AGMO: variants seen among roughly 807,000 people sequenced by gnomAD.
The protein encoded by AGMO is glyceryl-ether monooxygenase.
In AGMO, 75 loss-of-function variants were observed where a neutral mutation model predicts 60.2. That is an observed-to-expected ratio of 1.25 (90% CI 1.03 to 1.51). The LOEUF (loss-of-function observed/expected upper bound fraction) is 1.51. Among genes scored for constraint, AGMO ranks in the 40% most tolerant of loss-of-function variants. AGMO has a pLI of 0.00. For missense variants in AGMO, 763 were observed against 525.5 expected, an observed-to-expected ratio of 1.45 and a Z score of -4.42; for synonymous variants, 261 against 177.1, an observed-to-expected ratio of 1.47 and a Z score of -3.76.
At chr7:15,526,638 G>A (rs1784135695) in intron 3 of AGMO, among the ~76,000 whole-genome samples, 1 of 152,152 alleles carries the variant, frequency 6.6e-6, no homozygotes, top group Non-Finnish European at 1.5e-5. Context: ...TATTGGCTCA[G>A]AATAAACCTA....
At chr7:15,430,947 T>G (rs1354999648) in intron 4 of AGMO, 58 bp downstream of exon 4, 48 of 677,576 alleles carry the variant, frequency 7.1e-5, no homozygotes, top group Non-Finnish European at 1.1e-4. Flanking sequence ...GAAATAGAAA[T>G]AGCTGAGACT....
chr7:15,391,953 T>C (rs943305948), intron 6 of AGMO, among the ~76,000 whole-genome samples: 4 of 152,196 alleles, frequency 2.6e-5, no homozygotes, highest in Admixed American at 6.5e-5. Context: ...GTGCCGACGT[T>C]GGGAAACCCT....
intron 12 of AGMO, among the ~76,000 whole-genome samples, chr7:15,288,181 G>A (rs184492757): frequency 1.7e-3 from 253 of 151,962 alleles, no homozygotes; most frequent in Non-Finnish European, 2.5e-3. Context: ...CCAGCACCAC[G>A]CCCGGCTAAT....
intron 12 of AGMO, among the ~76,000 whole-genome samples, chr7:15,208,086 A>G (rs1210655873): frequency 6.6e-6 from 1 of 152,258 alleles, no homozygotes; most frequent in East Asian, 1.9e-4. Flanking sequence ...ATTTATAAAT[A>G]ATGAATATAT....
At chr7:15,475,511 G>A (rs1782570997) in intron 3 of AGMO, among the ~76,000 whole-genome samples, 1 of 152,012 alleles carries the variant, frequency 6.6e-6, no homozygotes, top group African/African-American at 2.4e-5. Context: ...TGGATGCAGG[G>A]AGGGGAACAT....
rs376631296 is a variant in AGMO at position 15,532,939 on chromosome 7, C to G, written c.409+11833G>C. ...CCAAGAAGTGGAGGTTGCAATGAGC[C>G]GAGATCATGCCACTGCACTCCAGCC... On this transcript the variant is annotated intron_variant, in intron 3 of 12. Transcript: ENST00000342526. Among the ~76,000 whole-genome samples, 40 of 152,130 alleles carry G rather than the reference C, an allele frequency of 2.6e-4. No homozygotes were observed. In the East Asian group the frequency reaches 7.0e-3, roughly 27 times the overall value.
At chr7:15,180,355 T>C in the AGMO span, among the ~76,000 whole-genome samples, 1 of 152,206 alleles carries the variant, frequency 6.6e-6, no homozygotes, top group South Asian at 2.1e-4. Flanking sequence ...TTTTTTTTCA[T>C]ATTCCAGTTC....
intron 4 of AGMO, among the ~76,000 whole-genome samples, chr7:15,421,095 T>C (rs980013235): frequency 6.6e-6 from 1 of 152,068 alleles, no homozygotes; most frequent in Non-Finnish European, 1.5e-5. Flanking sequence ...CAAGAAACAA[T>C]ATGGCATTTA....
At chr7:15,479,065 T>C (rs1367797378) in intron 3 of AGMO, among the ~76,000 whole-genome samples, 2 of 152,168 alleles carry the variant, frequency 1.3e-5, no homozygotes, top group Non-Finnish European at 2.9e-5. Context: ...TGATTGTTCA[T>C]GCATAGTTTT....
At chr7:15,202,747 A>T (rs1248813482) in intron 12 of AGMO, among the ~76,000 whole-genome samples, 1 of 152,168 alleles carries the variant, frequency 6.6e-6, no homozygotes, top group Admixed American at 6.5e-5. Flanking sequence ...AATATATTTA[A>T]AGGCTGGTTT....
intron 12 of AGMO, among the ~76,000 whole-genome samples, chr7:15,287,940 T>C (rs1430652726): frequency 6.6e-6 from 1 of 152,218 alleles, no homozygotes; most frequent in African/African-American, 2.4e-5. Context: ...TCAGGTGCTA[T>C]GGAAATCTTG....
intron 3 of AGMO, among the ~76,000 whole-genome samples, chr7:15,446,561 C>A (rs967488267): frequency 6.6e-6 from 1 of 152,198 alleles, no homozygotes; most frequent in Admixed American, 6.5e-5. Context: ...GAAACACACA[C>A]ATACTTTGAG....
At chr7:15,338,656 G>A (rs1014077591) in intron 12 of AGMO, among the ~76,000 whole-genome samples, 1 of 152,064 alleles carries the variant, frequency 6.6e-6, no homozygotes, top group African/African-American at 2.4e-5. Context: ...ATTTATCACT[G>A]TGCAAAGGGA....
intron 12 of AGMO, among the ~76,000 whole-genome samples, chr7:15,241,553 C>T (rs1262360805): frequency 6.7e-6 from 1 of 150,002 alleles, no homozygotes; most frequent in Non-Finnish European, 1.5e-5. Flanking sequence ...AAGCAAGGTT[C>T]CGTTCTTTTG....
At chr7:15,491,871 T>G (rs921526783) in intron 3 of AGMO, among the ~76,000 whole-genome samples, 5 of 152,194 alleles carry the variant, frequency 3.3e-5, no homozygotes, top group African/African-American at 1.2e-4. Flanking sequence ...AATCCCAAAA[T>G]CAGAGGGATT....
At chr7:15,433,824 G>T (rs2128499206) in intron 3 of AGMO, among the ~76,000 whole-genome samples, 1 of 151,812 alleles carries the variant, frequency 6.6e-6, no homozygotes, top group East Asian at 1.9e-4. Context: ...AAATGATTAT[G>T]CTGCTTTCTA....
intron 12 of AGMO, among the ~76,000 whole-genome samples, chr7:15,271,856 G>A (rs1255966463): frequency 6.6e-6 from 1 of 152,096 alleles, no homozygotes; most frequent in Non-Finnish European, 1.5e-5. Context: ...TGACTGGTTT[G>A]TGGAGGGTTT....
At chr7:15,280,921 T>C (rs1783946908) in intron 12 of AGMO, among the ~76,000 whole-genome samples, 1 of 152,176 alleles carries the variant, frequency 6.6e-6, no homozygotes, top group South Asian at 2.1e-4. Context: ...CTGCCCGTTG[T>C]TGGGATACGT....
At chr7:15,358,037 TCTTC>T (rs1368914495) in intron 12 of AGMO, among the ~76,000 whole-genome samples, 21 of 152,220 alleles carry the variant, frequency 1.4e-4, no homozygotes, top group South Asian at 2.1e-4. Context: ...AACTGTTGAA[TCTTC>T]CTTCATTATC....
Sources: allele counts gnomAD v4.1 joint callset (sites outside exome capture counted in the v4.1 genomes callset), GRCh38; gene constraint gnomAD v4.1.1; transcripts MANE v1.5; gene names NCBI Gene and HGNC (gene_info 2026-07-23, HGNC 2026-07-21).